ZNF100: variants seen among roughly 807,000 people sequenced by gnomAD.
The protein encoded by ZNF100 is zinc finger protein 100 (Y1).
Under a neutral mutation model 15.8 loss-of-function variants are expected in ZNF100, and 12 were observed. The observed-to-expected ratio is 0.76, with a 90% CI of 0.49 to 1.23. The LOEUF (loss-of-function observed/expected upper bound fraction) is 1.23, where lower values mean the gene tolerates loss of function less well. ZNF100 is among the 50% of genes most tolerant of loss of function. The pLI is 0.00. For missense variants in ZNF100, 670 were observed against 635.6 expected (o/e 1.05, Z -0.58); for synonymous variants, 226 against 214.8 (o/e 1.05, Z -0.45).
intron 2 of ZNF100, among the ~76,000 whole-genome samples, chr19:21,756,142 TA>T (rs1405362903): frequency 6.6e-6 from 1 of 152,130 alleles, no homozygotes; most frequent in African/African-American, 2.4e-5. Context: ...CAATAGATGC[TA>T]AAAAAGCCTT....
In ZNF100 at chr19:21,727,925, T is replaced by C. The variant is rs978067514; in HGVS notation, c.387A>G (p.Glu129=). Residue 129 remains glutamate (E), a synonymous_variant, in exon 5 of 5, where the codon GAA becomes GAG. Coordinates refer to ENST00000358296, the MANE Select transcript of ZNF100 (RefSeq NM_173531.4). ...ATTTTCCATATTTTTTCAGAATCGC[T>C]TCTTGAAAAGAATCTTTAATGTCCT... ...AEQDIKDSFQ[E]AILKKYGKYG... is the part of the protein sequence containing the mutation. The C allele has an allele frequency of 6.3e-7, 1 of 1,591,086 alleles. No individual in the cohort carries two copies. Among genetic ancestry groups the C allele is most frequent in the African/African-American group, 1.4e-5 (1 of 73,874 alleles).
intron 4 of ZNF100, among the ~76,000 whole-genome samples, chr19:21,734,864 A>G (rs1345884837): frequency 6.6e-6 from 1 of 152,164 alleles, no homozygotes; most frequent in Non-Finnish European, 1.5e-5. Flanking sequence ...GACCTCTAAA[A>G]AGATACCCTA....
At chr19:21,763,517 G>C (rs2036513759) in intron 2 of ZNF100, among the ~76,000 whole-genome samples, 1 of 152,144 alleles carries the variant, frequency 6.6e-6, no homozygotes, top group Non-Finnish European at 1.5e-5. Context: ...TTGAACCTGG[G>C]AGGCAGAGGT....
At chr19:21,730,445 A>AGTGTGTGTGT (rs58942514) in intron 4 of ZNF100, among the ~76,000 whole-genome samples, 2,316 of 147,684 alleles carry the variant, frequency 0.016, 22 homozygotes, top group Non-Finnish European at 0.022. Flanking sequence ...TGATAACCTA[A>AGTGTGTGTGT]GTGTGTGTGT....
intron 4 of ZNF100, among the ~76,000 whole-genome samples, chr19:21,736,089 T>C (rs1375138901): frequency 6.7e-6 from 1 of 148,410 alleles, no homozygotes; most frequent in African/African-American, 2.5e-5. Flanking sequence ...TGCCCGGCCT[T>C]ATTGATTTAT....
In ZNF100 at chr19:21,726,524, T is replaced by C; in HGVS notation, c.*159A>G. On this transcript the variant is annotated 3_prime_UTR_variant, in exon 5 of 5. Coordinates refer to ENST00000358296, the MANE Select transcript of ZNF100 (RefSeq NM_173531.4). ...AGCACTGTCACATCTTTCTGGTTTG[T>C]AGAATTTCTCTCTAGTATGAATTAT... The C allele has an allele frequency of 1.5e-6, 1 of 677,436 alleles. No homozygotes were observed. Among genetic ancestry groups the C allele is most frequent in the Non-Finnish European group, 2.3e-6 (1 of 426,504 alleles). The allele number at this position is 677,436 out of a possible 1,614,324, so 42.0% of individuals were successfully genotyped here.
chr19:21,738,193 A>G lies in ZNF100; in HGVS notation c.322+5824T>C, dbSNP rs750604460. 1.4e-3 allele frequency among the ~76,000 whole-genome samples: 180 copies of G among 124,564 alleles called. 1 individual carries two copies. The highest frequency in any genetic ancestry group is 2.1e-3 in the Non-Finnish European group (134 of 62,826). The allele number at this position is 124,564 out of a possible 152,430, so 81.7% of individuals were successfully genotyped here. A position where few individuals can be genotyped will look rare whatever the true frequency, so the allele number is the denominator to read the frequency against. On this transcript the variant is annotated intron_variant, in intron 4 of 4. Transcript: ENST00000358296. ...TTGAACCCAGGAGGTGGAGGTTGCA[A>G]TGAGCCGAGATGGTGCCACTGCAGT...
chr19:21,759,074 T>C (rs1210658677), intron 2 of ZNF100, among the ~76,000 whole-genome samples: 2 of 152,128 alleles, frequency 1.3e-5, no homozygotes, highest in African/African-American at 4.8e-5. Flanking sequence ...AGACCCTGAT[T>C]CAAGGTTTAG....
In ZNF100 at chr19:21,735,882, G is replaced by A. The variant is rs548510400; in HGVS notation, c.323-7893C>T. ...TGGCTCACTGCAAGCTCTGCCTCCC[G>A]GGTTCACACCATTCTCCTGCCTCAG... On this transcript the variant is annotated intron_variant, in intron 4 of 4. Coordinates refer to ENST00000358296, the MANE Select transcript of ZNF100 (RefSeq NM_173531.4). 7.2e-5 allele frequency among the ~76,000 whole-genome samples: 11 copies of A among 151,774 alleles called. No individual in the cohort carries two copies. The South Asian group carries it at 8.3e-4, about 12-fold the overall frequency.
Position 21,725,378 on chromosome 19 carries a change from C to T in ZNF100, c.*1305G>A, listed in dbSNP as rs1045078430. Reference sequence around the variant, plus strand: ...AGTAAAATATACTAATTTTAATTTACTTATAAATGAAATTAAGTTTTCTCA... The same window carrying T: ...AGTAAAATATACTAATTTTAATTTATTTATAAATGAAATTAAGTTTTCTCA... On this transcript the variant is annotated 3_prime_UTR_variant, in exon 5 of 5. Transcript: ENST00000358296. 6.6e-6 allele frequency: 1 copy of T among 152,002 alleles called. No individual in the cohort carries two copies. The highest frequency in any genetic ancestry group is 6.6e-5 in the Admixed American group (1 of 15,260). 9.4% of individuals were successfully genotyped at this position (152,002 alleles called of 1,614,324 possible). A position where few individuals can be genotyped will look rare whatever the true frequency, so the allele number is the denominator to read the frequency against.
At chr19:21,758,338 C>T (rs1019236722) in intron 2 of ZNF100, among the ~76,000 whole-genome samples, 1 of 152,030 alleles carries the variant, frequency 6.6e-6, no homozygotes, top group Non-Finnish European at 1.5e-5. Flanking sequence ...ATGCTTAGTA[C>T]CTCAGTGACA....
rs903079056 is a variant in ZNF100, at chr19:21,750,989, GAGCC to G, written c.97-5926_97-5923del. The stretch of plus-strand genomic sequence containing the variant: ...GGTGGCGGTAGCGCCCGCTTCTGTG[GAGCC>G]TACCAGTTGGATTTCGCAGCGGGCG... On this transcript the variant is annotated intron_variant, in intron 2 of 4. Transcript: ENST00000358296. 14 of 1,145,056 alleles carry G rather than the reference GAGCC, an allele frequency of 1.2e-5. No homozygotes were observed. In the African/African-American group the frequency reaches 2.0e-4, roughly 16 times the overall value. The allele number at this position is 1,145,056 out of a possible 1,614,324, so 70.9% of individuals were successfully genotyped here. A position where few individuals can be genotyped will look rare whatever the true frequency, so the allele number is the denominator to read the frequency against.
chr19:21,738,693 TCA>T (rs1362028049), intron 4 of ZNF100, among the ~76,000 whole-genome samples: 1 of 152,102 alleles, frequency 6.6e-6, no homozygotes, highest in Non-Finnish European at 1.5e-5. Context: ...GCGCAGAGAC[TCA>T]CGCCTGTAAT....
At chr19:21,734,817 G>A (rs2035980390) in intron 4 of ZNF100, among the ~76,000 whole-genome samples, 1 of 152,080 alleles carries the variant, frequency 6.6e-6, no homozygotes, top group Non-Finnish European at 1.5e-5. Flanking sequence ...CGGAAGGCCA[G>A]GTCACCCAGA....
In ZNF100 at chr19:21,724,574, ATAAC is replaced by A. The variant is rs2035740699; in HGVS notation, c.*2105_*2108del. The A allele has an allele frequency of 6.6e-6, 1 of 152,180 alleles. No homozygotes were observed. Among genetic ancestry groups the A allele is most frequent in the African/African-American group, 2.4e-5 (1 of 41,456 alleles). 9.4% of individuals were successfully genotyped at this position (152,180 alleles called of 1,614,324 possible). ...TAACAATTTAATTTTACATTTTAAA[ATAAC>A]TAAAAGTATAAAACTGGGTTGCTTG... On this transcript the variant is annotated 3_prime_UTR_variant, in exon 5 of 5. Coordinates refer to ENST00000358296, the MANE Select transcript of ZNF100 (RefSeq NM_173531.4).
Position 21,767,566 on chromosome 19 carries a change from C to A in ZNF100, c.-137G>T, listed in dbSNP as rs1405786016. 1.4e-6 allele frequency: 2 copies of A among 1,380,980 alleles called. No homozygotes were observed. The highest frequency in any genetic ancestry group is 2.2e-5 in the Admixed American group (1 of 46,398). The allele number at this position is 1,380,980 out of a possible 1,614,324, so 85.5% of individuals were successfully genotyped here. ...GCAAAACCTGGAGCTCCGGCTACAG[C>A]GAGAGACAAAGACCCCGCCAAACCC... is the stretch of plus-strand genomic sequence containing the variant. On this transcript the variant is annotated 5_prime_UTR_variant, in exon 1 of 5. Transcript: ENST00000358296.
intron 4 of ZNF100, among the ~76,000 whole-genome samples, chr19:21,735,361 G>C (rs963589462): frequency 6.6e-6 from 1 of 152,116 alleles, no homozygotes; most frequent in Non-Finnish European, 1.5e-5. Context: ...GGGCGTGGTG[G>C]TGGGTGCCTG....
At position 21,745,037 on chromosome 19, in the gene ZNF100, C is replaced by A. The variant is rs199892078; in HGVS notation, c.127G>T (p.Glu43Ter). 9 of 1,613,074 alleles carry A rather than the reference C, an allele frequency of 5.6e-6. No homozygotes were observed. The highest frequency in any genetic ancestry group is 1.3e-5 in the African/African-American group (1 of 74,832). The change falls in exon 3 of 5, where the codon GAA (glutamate) becomes TAA (stop). Residue 43 changes from glutamate (E) to a stop codon, truncating the protein, a stop_gained. Coordinates refer to ENST00000358296, the MANE Select transcript of ZNF100 (RefSeq NM_173531.4). LOFTEE classifies it high-confidence loss of function. ...GPLTFRDVAI[E>*]FSLEEWQCLD... ...CATTGCCACTCCTCCAGAGAGAATT[C>A]TATGGCCACATCCCTAAACGTCAAT...
intron 3 of ZNF100, among the ~76,000 whole-genome samples, chr19:21,744,443 G>A (rs2036175400): frequency 6.6e-6 from 1 of 152,086 alleles, no homozygotes; most frequent in South Asian, 2.1e-4. Context: ...CATGATCTCG[G>A]CTCACTACAA....
Sources: allele counts gnomAD v4.1 joint callset (sites outside exome capture counted in the v4.1 genomes callset), GRCh38; gene constraint gnomAD v4.1.1; transcripts MANE v1.5; gene names NCBI Gene and HGNC (gene_info 2026-07-23, HGNC 2026-07-21).